MOK: variants seen among roughly 807,000 people sequenced by gnomAD.
MOK encodes the protein MOK protein kinase.
A neutral mutation model predicts 54.2 loss-of-function variants in MOK; 59 were observed. The ratio of observed to expected loss-of-function variants is 1.09; its 90% CI spans 0.88 to 1.35. The LOEUF (loss-of-function observed/expected upper bound fraction) is 1.35. Ranked by LOEUF, MOK falls within the 40% of genes most tolerant of loss-of-function variation. MOK has a pLI of 0.00. For synonymous variants in MOK, 210 were observed against 202.7 expected (o/e 1.04, Z -0.31); for missense variants, 517 against 526.2 (o/e 0.98, Z 0.17).
At chr14:102,284,854 G>A (rs951953588) in intron 1 of MOK, among the ~76,000 whole-genome samples, 7 of 152,164 alleles carry the variant, frequency 4.6e-5, no homozygotes, top group Admixed American at 2.0e-4. Flanking sequence ...GAGGCAGGCA[G>A]ATCACCCACC....
chr14:102,229,528 C>A lies in MOK; in HGVS notation c.1111G>T (p.Val371Leu). Reference sequence around the variant, plus strand: ...CTTCCATTTGTTCCAGATCCAAGCACGGACTGCAGCGTGGGGCTGGAGTAA... The same window carrying A: ...CTTCCATTTGTTCCAGATCCAAGCAAGGACTGCAGCGTGGGGCTGGAGTAA... ...SSYSSPTLQSVLGSGTNGRVP... is the reference protein window; with the variant it reads ...SSYSSPTLQSLLGSGTNGRVP... Residue 371 changes from valine (V) to leucine (L), a missense_variant, in exon 11 of 12, where the codon GTG becomes TTG. Transcript: ENST00000361847. The A allele has an allele frequency of 1.2e-6, 2 of 1,614,192 alleles. No homozygotes were observed. The highest frequency in any genetic ancestry group is 1.7e-6 in the Non-Finnish European group (2 of 1,180,042).
chr14:102,229,682 G>A (rs2064487978), intron 10 of MOK, 25 bp from the exon 11 acceptor site: 2 of 1,564,248 alleles, frequency 1.3e-6, no homozygotes, highest in South Asian at 2.4e-5. Flanking sequence ...GAGGCCAGTT[G>A]GACATAAAAC....
intron 2 of MOK, among the ~76,000 whole-genome samples, chr14:102,277,079 C>T (rs551470017): frequency 2.1e-5 from 3 of 141,126 alleles, no homozygotes; most frequent in Non-Finnish European, 1.5e-5. Flanking sequence ...ATACGACATA[C>T]AGACCAGGCT....
intron 4 of MOK, among the ~76,000 whole-genome samples, chr14:102,258,189 C>T (rs963877524): frequency 5.9e-5 from 9 of 152,176 alleles, no homozygotes; most frequent in Admixed American, 2.0e-4. Context: ...CTCTCCCTTG[C>T]TTTAAAGCCC....
In MOK at chr14:102,229,630, G is replaced by A. The variant is rs781739262; in HGVS notation, c.1009C>T (p.Arg337Cys). ...TAGGCCGGTCCTCGTCTCTTGGGAC[G>A]GTCCTCCTCTTGCTTTAGGGACTGT... ...QKQSLKQEEDRPKRRGPAYVM... is the reference protein window; with the variant it reads ...QKQSLKQEEDCPKRRGPAYVM... The change falls in exon 11 of 12, where the codon CGT (arginine) becomes TGT (cysteine). Residue 337 changes from arginine (R) to cysteine (C), a missense_variant. By Grantham distance (180) the Arg-to-Cys change is radical. Coordinates refer to ENST00000361847, the MANE Select transcript of MOK (RefSeq NM_014226.3). 18 of 1,612,842 alleles carry A rather than the reference G, an allele frequency of 1.1e-5. No homozygotes were observed. The African/African-American group carries it at 1.7e-4, about 16-fold the overall frequency.
At chr14:102,265,612 CAGAG>C (rs200237447) in intron 3 of MOK, among the ~76,000 whole-genome samples, 1 of 151,888 alleles carries the variant, frequency 6.6e-6, no homozygotes. Context: ...GCCTGCATGA[CAGAG>C]AGAGAGACTC....
At chr14:102,233,913 C>A in intron 7 of MOK, 124 bp from the exon 8 acceptor site, 1 of 672,848 alleles carries the variant, frequency 1.5e-6, no homozygotes, top group African/African-American at 1.8e-5. Flanking sequence ...TTACCTACAC[C>A]CTTCTGTAAG....
chr14:102,261,932 C>G (rs2067505398), intron 4 of MOK, among the ~76,000 whole-genome samples: 1 of 151,546 alleles, frequency 6.6e-6, no homozygotes, highest in Non-Finnish European at 1.5e-5. Flanking sequence ...CAAGCTCCAC[C>G]TCCTGTTACA....
In MOK at chr14:102,283,466, T is replaced by C. The variant is rs1224736672; in HGVS notation, c.122+12A>G. 5 of 1,587,636 alleles carry C rather than the reference T, an allele frequency of 3.1e-6. No homozygotes were observed. The East Asian group carries it at 6.7e-5, about 21-fold the overall frequency. ...ATCTGTGTTTGGTCCCAAGTGCATC[T>C]CTGTAGCCTACCTTTCAAAGCGCTG... On this transcript the variant is annotated intron_variant, in intron 2 of 11. Coordinates refer to ENST00000361847, the MANE Select transcript of MOK (RefSeq NM_014226.3).
At chr14:102,225,834 T>A (rs1011169557), downstream of MOK, 1 of 171,690 alleles carries the variant, frequency 5.8e-6, no homozygotes, top group African/African-American at 2.4e-5. Context: ...CGAGGCAGCG[T>A]CAAGGCTGGT....
rs1293812885 is a variant in MOK, at chr14:102,263,537, T to C, written c.283+9A>G. On this transcript the variant is annotated intron_variant, in intron 4 of 11. Transcript: ENST00000361847. Reference sequence around the variant, plus strand: ...GATCTTAGGTTAGCTTTCAAATTATTCTACGTACCTCGTATTAGCTCATAA... The same window carrying C: ...GATCTTAGGTTAGCTTTCAAATTATCCTACGTACCTCGTATTAGCTCATAA... 6.3e-7 allele frequency: 1 copy of C among 1,575,548 alleles called. No individual in the cohort carries two copies. The highest frequency in any genetic ancestry group is 1.2e-5 in the South Asian group (1 of 86,398).
chr14:102,302,714 C>T (rs910155166), intron 1 of MOK, among the ~76,000 whole-genome samples: 1 of 151,966 alleles, frequency 6.6e-6, no homozygotes, highest in Admixed American at 6.6e-5. Context: ...TGCGCCCAGG[C>T]AGCATATGTA....
chr14:102,214,722 C>A, the MOK span: 1 of 980,664 alleles, frequency 1.0e-6, no homozygotes. Flanking sequence ...TATTTTCATC[C>A]AATTTCTTGA....
intron 4 of MOK, among the ~76,000 whole-genome samples, chr14:102,254,584 C>T (rs1160513402): frequency 6.6e-6 from 1 of 152,118 alleles, no homozygotes; most frequent in Non-Finnish European, 1.5e-5. Context: ...GCACTCAAGA[C>T]CCCCTTCAAC....
intron 3 of MOK, chr14:102,264,712 T>C (rs1264107701): frequency 2.0e-5 from 3 of 152,204 alleles, no homozygotes; most frequent in Non-Finnish European, 4.4e-5. Context: ...ACCCACACAG[T>C]TATAACAAGA....
chr14:102,221,684 A>G (rs1597176855), downstream of MOK, among the ~76,000 whole-genome samples: 1 of 152,244 alleles, frequency 6.6e-6, no homozygotes, highest in South Asian at 2.1e-4. This position sits in a 1 kb window ranked among gnomAD's most constrained non-coding sequence, Gnocchi z 4.8. Context: ...AAATGACTTG[A>G]GCGGGACAGC....
At chr14:102,261,023 C>T (rs953494406) in intron 4 of MOK, among the ~76,000 whole-genome samples, 4 of 151,604 alleles carry the variant, frequency 2.6e-5, no homozygotes, top group South Asian at 2.1e-4. Context: ...TTTGGGAGGC[C>T]GAGACAGGCA....
At chr14:102,224,037 A>T (rs374579661), downstream of MOK, among the ~76,000 whole-genome samples, 7,109 of 123,124 alleles carry the variant, frequency 0.058, 250 homozygotes, top group African/African-American at 0.12. Context: ...TTTACCTGAG[A>T]TTTTTTTTTT....
intron 2 of MOK, chr14:102,283,054 CAAAAA>C: frequency 2.5e-5 from 1 of 40,696 alleles, no homozygotes; most frequent in Non-Finnish European, 5.5e-5. Flanking sequence ...ACTCTGTCTC[CAAAAA>C]AAAAAAAAAA....
Sources: allele counts gnomAD v4.1 joint callset (sites outside exome capture counted in the v4.1 genomes callset), GRCh38; gene constraint gnomAD v4.1.1; non-coding constraint Gnocchi (gnomAD v3.1); transcripts MANE v1.5; gene names NCBI Gene and HGNC (gene_info 2026-07-23, HGNC 2026-07-21).